KHDRBS2: variants seen among roughly 807,000 people sequenced by gnomAD.
KHDRBS2 encodes KH domain-containing, RNA-binding, signal transduction-associated protein 2.
Under a neutral mutation model 44.3 loss-of-function variants are expected in KHDRBS2, and 26 were observed. The ratio of observed to expected loss-of-function variants is 0.59; its 90% CI spans 0.43 to 0.81. KHDRBS2 has a LOEUF of 0.81. KHDRBS2 is among the 40% of genes least tolerant of loss of function. The probability of loss-of-function intolerance (pLI) is 0.00; values close to 1 mark genes in which losing one functional copy is unlikely to be tolerated. For synonymous variants in KHDRBS2, 194 were observed against 151.1 expected (o/e 1.28, Z -2.08); for missense variants, 476 against 433.1 (o/e 1.10, Z -0.88).
chr6:61,893,708 A>G (rs922087441), intron 6 of KHDRBS2, among the ~76,000 whole-genome samples: 4 of 152,058 alleles, frequency 2.6e-5, no homozygotes, highest in Non-Finnish European at 4.4e-5. Context: ...ATGGGAACAC[A>G]TGGACACAGG....
intron 1 of KHDRBS2, among the ~76,000 whole-genome samples, chr6:62,246,124 A>ATATATATATATC (rs1835526842): frequency 3.4e-5 from 5 of 145,300 alleles, no homozygotes; most frequent in African/African-American, 1.3e-4. Context: ...ATATATATAT[A>ATATATATATATC]TATATATATA....
At chr6:61,976,378 C>A (rs1192431) in intron 4 of KHDRBS2, among the ~76,000 whole-genome samples, 75,778 of 151,862 alleles carry the variant, frequency 0.5, 19,084 homozygotes, top group African/African-American at 0.54. Flanking sequence ...AAGAATCATT[C>A]TGTCTAGGAA....
At chr6:62,107,881 T>G (rs528286481) in intron 2 of KHDRBS2, among the ~76,000 whole-genome samples, 25 of 152,124 alleles carry the variant, frequency 1.6e-4, no homozygotes, top group South Asian at 8.3e-4. Flanking sequence ...TGGGAAAACT[T>G]GTTAGCCATA....
At chr6:61,956,299 A>G (rs190378884) in intron 4 of KHDRBS2, among the ~76,000 whole-genome samples, 2 of 152,286 alleles carry the variant, frequency 1.3e-5, no homozygotes, top group Admixed American at 6.5e-5. Flanking sequence ...TTGTGAACCA[A>G]TGTTATTGAC....
At chr6:61,619,973 T>C in the KHDRBS2 span, among the ~76,000 whole-genome samples, 3 of 152,196 alleles carry the variant, frequency 2.0e-5, no homozygotes, top group Non-Finnish European at 2.9e-5. Flanking sequence ...GTCTGTAATC[T>C]TTCATTTCGA....
chr6:61,637,377 G>A, the KHDRBS2 span, among the ~76,000 whole-genome samples: 1 of 152,102 alleles, frequency 6.6e-6, no homozygotes, highest in African/African-American at 2.4e-5. Context: ...CATTTTTTAT[G>A]GCTGCATAGT....
chr6:61,960,346 C>T (rs573116783), intron 4 of KHDRBS2, among the ~76,000 whole-genome samples: 71 of 152,104 alleles, frequency 4.7e-4, no homozygotes, highest in African/African-American at 1.6e-3. Flanking sequence ...GAGCCCTGAA[C>T]CTTTTGGAGC....
chr6:62,204,419 A>G (rs1379707728), intron 1 of KHDRBS2, among the ~76,000 whole-genome samples: 1 of 152,096 alleles, frequency 6.6e-6, no homozygotes, highest in Non-Finnish European at 1.5e-5. Flanking sequence ...CTTGTCCAAA[A>G]CTGGTTGGGA....
At chr6:61,994,645 ATTCTGG>A (rs1368992601) in intron 3 of KHDRBS2, among the ~76,000 whole-genome samples, 2 of 152,190 alleles carry the variant, frequency 1.3e-5, no homozygotes, top group Non-Finnish European at 2.9e-5. Context: ...CATATAATAA[ATTCTGG>A]TATGAGATAA....
At chr6:62,237,699 C>G (rs1833917144) in intron 1 of KHDRBS2, among the ~76,000 whole-genome samples, 1 of 152,056 alleles carries the variant, frequency 6.6e-6, no homozygotes, top group Non-Finnish European at 1.5e-5. Flanking sequence ...AAATGTACAA[C>G]ACATCTGGAA....
At chr6:62,151,611 C>A (rs1278457522) in intron 2 of KHDRBS2, among the ~76,000 whole-genome samples, 1 of 152,160 alleles carries the variant, frequency 6.6e-6, no homozygotes, top group East Asian at 1.9e-4. Context: ...CTTGGAGATA[C>A]AGATTAACTC....
chr6:61,626,000 AATAACAGAC>A, the KHDRBS2 span, among the ~76,000 whole-genome samples: 1 of 152,232 alleles, frequency 6.6e-6, no homozygotes, highest in South Asian at 2.1e-4. Flanking sequence ...ATTAATTTGA[AATAACAGAC>A]ATGTTCATCT....
At chr6:61,547,414 A>G in the KHDRBS2 span, among the ~76,000 whole-genome samples, 17 of 152,226 alleles carry the variant, frequency 1.1e-4, no homozygotes, top group African/African-American at 4.1e-4. Context: ...CTGTTTTCAT[A>G]AAGGCAGGTT....
chr6:61,940,132 A>T (rs1811845949), intron 4 of KHDRBS2, among the ~76,000 whole-genome samples: 1 of 152,148 alleles, frequency 6.6e-6, no homozygotes, highest in Admixed American at 6.5e-5. Flanking sequence ...AAAGATAAAG[A>T]TAACTACTAA....
chr6:61,776,548 C>T (rs545546894), intron 6 of KHDRBS2, among the ~76,000 whole-genome samples: 7 of 152,318 alleles, frequency 4.6e-5, no homozygotes, highest in Non-Finnish European at 1.0e-4. Flanking sequence ...TGCTCACCAT[C>T]ACTGGTCATC....
At chr6:61,844,850 T>G (rs1324638559) in intron 6 of KHDRBS2, among the ~76,000 whole-genome samples, 1 of 152,216 alleles carries the variant, frequency 6.6e-6, no homozygotes, top group Non-Finnish European at 1.5e-5. Flanking sequence ...AATTGTTCAT[T>G]TCTTATTTCC....
intron 2 of KHDRBS2, among the ~76,000 whole-genome samples, chr6:62,133,081 TA>T (rs1810701248): frequency 6.6e-6 from 1 of 152,192 alleles, no homozygotes; most frequent in African/African-American, 2.4e-5. Context: ...GCTTTTTTTT[TA>T]AATAAGGATG....
chr6:62,138,523 A>C (rs1286837002), intron 2 of KHDRBS2, among the ~76,000 whole-genome samples: 1 of 152,186 alleles, frequency 6.6e-6, no homozygotes, highest in African/African-American at 2.4e-5. Flanking sequence ...TCTGTGACCA[A>C]CTCAAAGTCT....
chr6:62,108,215 C>G (rs1330587860), intron 2 of KHDRBS2, among the ~76,000 whole-genome samples: 3 of 152,050 alleles, frequency 2.0e-5, no homozygotes, highest in Non-Finnish European at 4.4e-5. Context: ...GGCTAATATC[C>G]AGAATCTACA....
Sources: gnomAD v4.1 joint callset for allele counts (sites outside exome capture counted in the v4.1 genomes callset) on GRCh38, gnomAD v4.1.1 for gene constraint, MANE v1.5 for transcripts, NCBI Gene and HGNC (gene_info 2026-07-23, HGNC 2026-07-21) for gene names.